OVOL2: variants seen among roughly 807,000 people sequenced by gnomAD.
OVOL2 encodes the protein ovo like zinc finger 2.
Under a neutral mutation model 18.1 loss-of-function variants are expected in OVOL2, and 13 were observed. The ratio of observed to expected loss-of-function variants is 0.72; its 90% CI spans 0.47 to 1.14. The LOEUF is 1.14. Ranked by LOEUF, OVOL2 falls within the 50% of genes most tolerant of loss-of-function variation. The pLI, the probability that OVOL2 is intolerant of heterozygous loss-of-function variation, is 0.00. For missense variants in OVOL2, 335 were observed against 383.0 expected, an observed-to-expected ratio of 0.87 and a Z score of 1.05; for synonymous variants, 166 against 162.7, an observed-to-expected ratio of 1.02 and a Z score of -0.16.
At chr20:18,030,152 C>T (rs9941747) in intron 3 of OVOL2, among the ~76,000 whole-genome samples, 2,888 of 152,318 alleles carry the variant, frequency 0.019, 91 homozygotes, top group African/African-American at 0.066. Context: ...AGACTCCTCT[C>T]CTAAGGAATG....
At chr20:18,025,656 G>T (rs766051188) in intron 3 of OVOL2, among the ~76,000 whole-genome samples, 1 of 152,206 alleles carries the variant, frequency 6.6e-6, no homozygotes, top group East Asian at 1.9e-4. Context: ...ATCCTGGGAA[G>T]AACCTATAGG....
In OVOL2 at chr20:18,056,849, G is replaced by A. The variant is rs1476364887; in HGVS notation, c.129C>T (p.Pro43=). 1.3e-6 allele frequency: 2 copies of A among 1,488,610 alleles called. No individual in the cohort carries two copies. Among genetic ancestry groups the A allele is most frequent in the African/African-American group, 1.5e-5 (1 of 68,602 alleles). The allele number at this position is 1,488,610 out of a possible 1,614,324, so 92.2% of individuals were successfully genotyped here. ...CGCCGTCGCTGCGGCAGTCCTCGGG[G>A]GGGTCGTGGAGCAGGCGGCCTAGGC... ...PVGLGRLLHD[P]PEDCRSDGGS... The change falls in exon 2 of 4, where the codon CCC becomes CCT. Residue 43 remains proline, a synonymous_variant. Coordinates refer to ENST00000278780, the MANE Select transcript of OVOL2 (RefSeq NM_021220.4). This position sits in a 1 kb window ranked among gnomAD's most constrained non-coding sequence, Gnocchi z 4.2.
rs1277846843 is a variant in OVOL2, at chr20:18,057,400, G to T, written c.100+135C>A. On this transcript the variant is annotated intron_variant, in intron 1 of 3. Coordinates refer to ENST00000278780, the MANE Select transcript of OVOL2 (RefSeq NM_021220.4). The surrounding 1 kb of genome is among the most constrained non-coding windows in gnomAD (Gnocchi z 6.3). Reference sequence around the variant, plus strand: ...CTCATTGCCTGCCCTAACCCGCCTAGAAGACCCCCGCGTGCCCCCCGGAAG... The same window carrying T: ...CTCATTGCCTGCCCTAACCCGCCTATAAGACCCCCGCGTGCCCCCCGGAAG... 2.9e-6 allele frequency: 3 copies of T among 1,052,106 alleles called. No individual in the cohort carries two copies. The highest frequency in any genetic ancestry group is 4.1e-6 in the Non-Finnish European group (3 of 735,960). The allele number at this position is 1,052,106 out of a possible 1,614,324, so 65.2% of individuals were successfully genotyped here.
At chr20:18,050,285 T>C (rs1003532211) in intron 2 of OVOL2, among the ~76,000 whole-genome samples, 1 of 152,150 alleles carries the variant, frequency 6.6e-6, no homozygotes, top group African/African-American at 2.4e-5. Context: ...AGCCCCGAGT[T>C]AACTGGGCAG....
At chr20:18,039,906 G>A (rs553997540) in intron 3 of OVOL2, among the ~76,000 whole-genome samples, 2 of 152,170 alleles carry the variant, frequency 1.3e-5, no homozygotes, top group African/African-American at 4.8e-5. Flanking sequence ...GAAAGGGCTC[G>A]GGGACTATAG....
intron 3 of OVOL2, among the ~76,000 whole-genome samples, chr20:18,035,753 T>C (rs2036610331): frequency 6.6e-6 from 1 of 152,166 alleles, no homozygotes. Context: ...ATGGGGTAAA[T>C]AGGTCTAAAA....
intron 2 of OVOL2, among the ~76,000 whole-genome samples, chr20:18,044,493 G>A (rs919139731): frequency 6.6e-6 from 1 of 152,148 alleles, no homozygotes; most frequent in African/African-American, 2.4e-5. Flanking sequence ...CAAGACCCCA[G>A]AACAGGGTAT....
chr20:18,037,923 G>A (rs980502079), intron 3 of OVOL2, among the ~76,000 whole-genome samples: 5 of 150,476 alleles, frequency 3.3e-5, no homozygotes, highest in African/African-American at 1.2e-4. Context: ...CTTGTGTCGC[G>A]TCTGCTTCTT....
Position 18,024,952 on chromosome 20 carries a change from C to T in OVOL2, c.512G>A (p.Gly171Asp). The T allele has an allele frequency of 6.2e-7, 1 of 1,607,884 alleles. No homozygotes were observed. The highest frequency in any genetic ancestry group is 8.5e-7 in the Non-Finnish European group (1 of 1,175,100). Reference sequence around the variant, plus strand: ...GACGTTGCATTTGTAGGGACGAATGCCTGAAAGGATGAGGGACAGACACAG... The same window carrying T: ...GACGTTGCATTTGTAGGGACGAATGTCTGAAAGGATGAGGGACAGACACAG... ...DLKRHVRTHT[G>D]IRPYKCNVCN... Residue 171 changes from glycine (G) to aspartate (D), a missense_variant and splice_region_variant, in exon 4 of 4, where the codon GGC becomes GAC. By Grantham distance (94) the Gly-to-Asp change is moderately conservative. Transcript: ENST00000278780.
intron 3 of OVOL2, among the ~76,000 whole-genome samples, chr20:18,034,475 T>C (rs1014570428): frequency 6.6e-6 from 1 of 152,168 alleles, no homozygotes; most frequent in East Asian, 1.9e-4. Flanking sequence ...AACCATTTGA[T>C]GGGAAGCCGC....
intron 2 of OVOL2, among the ~76,000 whole-genome samples, chr20:18,043,759 A>G (rs1234366834): frequency 6.6e-6 from 1 of 152,194 alleles, no homozygotes; most frequent in Non-Finnish European, 1.5e-5. Context: ...AGTGCTTTCT[A>G]CCACCTTCGC....
intron 2 of OVOL2, among the ~76,000 whole-genome samples, chr20:18,054,060 T>C (rs2036794938): frequency 6.6e-6 from 1 of 152,248 alleles, no homozygotes; most frequent in African/African-American, 2.4e-5. Flanking sequence ...TCACATTCAC[T>C]GTCCTGCAGC....
intron 2 of OVOL2, among the ~76,000 whole-genome samples, chr20:18,043,457 A>G (rs2036694293): frequency 6.6e-6 from 1 of 152,160 alleles, no homozygotes; most frequent in South Asian, 2.1e-4. Flanking sequence ...AGGAAGCCCA[A>G]GCTAGCCATG....
At chr20:18,041,308 C>T (rs1235126387) in intron 3 of OVOL2, among the ~76,000 whole-genome samples, 5 of 147,306 alleles carry the variant, frequency 3.4e-5, no homozygotes, top group South Asian at 4.3e-4. Context: ...GGATTACAGG[C>T]GCCACCACCA....
At chr20:18,035,419 C>T (rs1258540181) in intron 3 of OVOL2, among the ~76,000 whole-genome samples, 2 of 152,214 alleles carry the variant, frequency 1.3e-5, no homozygotes, top group African/African-American at 4.8e-5. Context: ...ACGGGAGCCA[C>T]TGTACTCCAG....
At chr20:18,043,653 C>T (rs543820604) in intron 2 of OVOL2, among the ~76,000 whole-genome samples, 25 of 152,270 alleles carry the variant, frequency 1.6e-4, no homozygotes, top group Admixed American at 6.5e-4. Flanking sequence ...AAATCATAAA[C>T]GCATAAAATT....
At chr20:18,026,466 C>T (rs1220029406) in intron 3 of OVOL2, among the ~76,000 whole-genome samples, 1 of 151,082 alleles carries the variant, frequency 6.6e-6, no homozygotes, top group Non-Finnish European at 1.5e-5. Flanking sequence ...ACTGCAAGCT[C>T]CACCTCTCAG....
chr20:18,028,885 T>C (rs764762700), intron 3 of OVOL2, among the ~76,000 whole-genome samples: 1 of 152,150 alleles, frequency 6.6e-6, no homozygotes, highest in Non-Finnish European at 1.5e-5. Context: ...CCCAGTTTTA[T>C]GGTGAAAAAC....
chr20:18,049,714 G>A (rs745473431), intron 2 of OVOL2, among the ~76,000 whole-genome samples: 10 of 152,118 alleles, frequency 6.6e-5, no homozygotes, highest in African/African-American at 1.4e-4. Flanking sequence ...ACGGCCACAT[G>A]ACTTGTAGTG....
Sources: gnomAD v4.1 joint callset for allele counts (sites outside exome capture counted in the v4.1 genomes callset) on GRCh38, gnomAD v4.1.1 for gene constraint, Gnocchi (gnomAD v3.1) non-coding constraint, MANE v1.5 for transcripts, NCBI Gene and HGNC (gene_info 2026-07-23, HGNC 2026-07-21) for gene names.